Variants in DLG1 observed in about 807,000 individuals in gnomAD.
The protein encoded by DLG1 is disks large homolog 1.
Under a neutral mutation model 123.4 loss-of-function variants are expected in DLG1, and 42 were observed. The observed-to-expected ratio is 0.34, with a 90% confidence interval of 0.27 to 0.44. The LOEUF is 0.44. Ranked by LOEUF, DLG1 falls within the 20% of genes least tolerant of loss-of-function variation. The probability of loss-of-function intolerance (pLI) is 1.00; values close to 1 mark genes in which losing one functional copy is unlikely to be tolerated. For missense variants in DLG1, 942 were observed against 1,082.6 expected (o/e 0.87, Z 1.82); for synonymous variants, 317 against 356.2 (o/e 0.89, Z 1.24).
chr3:197,267,205 T>A (rs964410657), intron 4 of DLG1, among the ~76,000 whole-genome samples: 13 of 152,154 alleles, frequency 8.5e-5, no homozygotes, highest in East Asian at 3.8e-4. Flanking sequence ...AATATTTTTT[T>A]AAAAAATAAC....
At chr3:197,056,528 T>C (rs1731790418) in intron 23 of DLG1, among the ~76,000 whole-genome samples, 1 of 152,248 alleles carries the variant, frequency 6.6e-6, no homozygotes, top group African/African-American at 2.4e-5. Context: ...TAGCTTTTGG[T>C]AGAATTTAGT....
chr3:197,295,485 A>AAC (rs1553841230), intron 3 of DLG1, among the ~76,000 whole-genome samples: 1 of 152,040 alleles, frequency 6.6e-6, no homozygotes, highest in South Asian at 2.1e-4. Context: ...ACTAAAACAA[A>AAC]AAAAAAAAAC....
intron 23 of DLG1, among the ~76,000 whole-genome samples, chr3:197,053,579 C>T (rs1729456166): frequency 6.6e-6 from 1 of 151,682 alleles, no homozygotes; most frequent in African/African-American, 2.4e-5. Flanking sequence ...CGGGACCAGC[C>T]TGGCCAACAT....
chr3:197,174,910 T>G (rs1241114301), intron 5 of DLG1, among the ~76,000 whole-genome samples: 1 of 152,236 alleles, frequency 6.6e-6, no homozygotes, highest in African/African-American at 2.4e-5. Flanking sequence ...CAGCTGTAAC[T>G]TCTTCACATT....
At chr3:197,233,373 G>T (rs538107243) in intron 4 of DLG1, among the ~76,000 whole-genome samples, 31 of 152,204 alleles carry the variant, frequency 2.0e-4, no homozygotes, top group Admixed American at 1.8e-3. Flanking sequence ...ACTTCTATTG[G>T]AAGGTTTTTT....
rs891545424 is a variant in DLG1 at position 197,194,414 on chromosome 3, T to C, written c.483+11A>G. ...GTAATTCATAACAATAATAAATAGA[T>C]ACTATCCTACCTTTATTGGTGAAAT... On this transcript the variant is annotated intron_variant, in intron 5 of 24. Coordinates refer to ENST00000667157, the MANE Select transcript of DLG1 (RefSeq NM_001366207.1). The C allele has an allele frequency of 1.1e-5, 16 of 1,520,572 alleles. No individual in the cohort carries two copies. Among genetic ancestry groups the C allele is most frequent in the Admixed American group, 2.1e-5 (1 of 48,690 alleles). The allele number at this position is 1,520,572 out of a possible 1,614,324, so 94.2% of individuals were successfully genotyped here.
At chr3:197,161,598 G>T in intron 5 of DLG1, 2 of 1,186,510 alleles carry the variant, frequency 1.7e-6, no homozygotes, top group Non-Finnish European at 2.3e-6. Flanking sequence ...AACATTAAAA[G>T]CAAATGAAAT....
chr3:197,258,939 T>A (rs576070904), intron 4 of DLG1, among the ~76,000 whole-genome samples: 3 of 152,176 alleles, frequency 2.0e-5, no homozygotes, highest in Non-Finnish European at 4.4e-5. Context: ...AATTTATAAA[T>A]ACTTTAGGAT....
chr3:197,208,815 G>A (rs890097449), intron 4 of DLG1, among the ~76,000 whole-genome samples: 3 of 145,532 alleles, frequency 2.1e-5, no homozygotes, highest in African/African-American at 7.3e-5. Flanking sequence ...TTACCCCTGG[G>A]GGAAAGAGGC....
At chr3:197,151,467 T>C (rs565005272) in intron 5 of DLG1, among the ~76,000 whole-genome samples, 1 of 152,112 alleles carries the variant, frequency 6.6e-6, no homozygotes, top group Admixed American at 6.5e-5. Context: ...GAAATATATA[T>C]AAACGAAATG....
At chr3:197,298,282 A>C (rs939111245) in intron 1 of DLG1, 1 of 376,628 alleles carries the variant, frequency 2.7e-6, no homozygotes. Context: ...AGGGGAACGG[A>C]AGGGGTACCC....
At chr3:197,248,521 G>A (rs1466580192) in intron 4 of DLG1, among the ~76,000 whole-genome samples, 1 of 152,192 alleles carries the variant, frequency 6.6e-6, no homozygotes, top group Non-Finnish European at 1.5e-5. Context: ...TCAAACAAAA[G>A]ACTTCTCAGC....
rs1747249739 is a variant in DLG1, at chr3:197,238,612, GAT to G, written c.319-44025_319-44024del. 2.6e-5 allele frequency among the ~76,000 whole-genome samples: 4 copies of G among 152,246 alleles called. No individual in the cohort carries two copies. In the South Asian group the frequency reaches 8.3e-4, roughly 32 times the overall value. ...TACAGAATGTCAATCCATTTGAAAA[GAT>G]AGATATAGCACATGAACTATCATCT... On this transcript the variant is annotated intron_variant, in intron 4 of 24. Coordinates refer to ENST00000667157, the MANE Select transcript of DLG1 (RefSeq NM_001366207.1).
chr3:197,183,471 G>T, intron 5 of DLG1: 1 of 1,051,674 alleles, frequency 9.5e-7, no homozygotes, highest in Non-Finnish European at 1.4e-6. Flanking sequence ...CACATCCAAG[G>T]TTTCAAGGCT....
In DLG1 at chr3:197,241,531, T is replaced by C. The variant is rs62282100; in HGVS notation, c.318+41148A>G. Among the ~76,000 whole-genome samples, 535 of 152,316 alleles carry C rather than the reference T, an allele frequency of 3.5e-3. 3 individuals are homozygous for C. The highest frequency in any genetic ancestry group is 5.7e-3 in the Non-Finnish European group (391 of 68,024). On this transcript the variant is annotated intron_variant, in intron 4 of 24. Transcript: ENST00000667157. Reference sequence around the variant, plus strand: ...ACAAAAAACCCAAAATACTTTACTATTGTAATTGTGGTATGCAATCCACTC... The same window carrying C: ...ACAAAAAACCCAAAATACTTTACTACTGTAATTGTGGTATGCAATCCACTC...
chr3:197,110,618 G>A (rs1479539217), intron 13 of DLG1, among the ~76,000 whole-genome samples: 2 of 151,914 alleles, frequency 1.3e-5, no homozygotes, highest in Admixed American at 6.6e-5. Context: ...AATATAATAC[G>A]GCAACTCCAG....
At chr3:197,170,146 T>C (rs1189605931) in intron 5 of DLG1, among the ~76,000 whole-genome samples, 1 of 152,226 alleles carries the variant, frequency 6.6e-6, no homozygotes, top group Non-Finnish European at 1.5e-5. Flanking sequence ...CACATTTTCT[T>C]TATCCAGTCT....
At chr3:197,173,620 A>G (rs1805423740) in intron 5 of DLG1, among the ~76,000 whole-genome samples, 1 of 152,210 alleles carries the variant, frequency 6.6e-6, no homozygotes, top group Non-Finnish European at 1.5e-5. Context: ...GACAATATAT[A>G]TTACCTGTAA....
At chr3:197,051,406 G>A (rs1727609625) in intron 24 of DLG1, among the ~76,000 whole-genome samples, 171 bp downstream of exon 24, 1 of 152,146 alleles carries the variant, frequency 6.6e-6, no homozygotes, top group Non-Finnish European at 1.5e-5. Flanking sequence ...GGGTGACAGA[G>A]CGAAACTCCG....
Sources: gnomAD v4.1 joint callset for allele counts (sites outside exome capture counted in the v4.1 genomes callset) on GRCh38, gnomAD v4.1.1 for gene constraint, MANE v1.5 for transcripts, NCBI Gene and HGNC (gene_info 2026-07-23, HGNC 2026-07-21) for gene names.